Variants in ARHGAP15 observed in about 807,000 individuals in gnomAD.
ARHGAP15 encodes rho GTPase-activating protein 15.
A neutral mutation model predicts 63.7 loss-of-function variants in ARHGAP15; 51 were observed. The observed-to-expected ratio is 0.80, with a 90% CI of 0.64 to 1.01. The LOEUF is 1.01. Among genes scored for constraint, ARHGAP15 ranks in the 50% least tolerant of loss-of-function variants. The pLI is 0.00. For missense variants in ARHGAP15, 560 were observed against 564.6 expected, an observed-to-expected ratio of 0.99 and a Z score of 0.08; for synonymous variants, 191 against 193.8, an observed-to-expected ratio of 0.99 and a Z score of 0.12.
At chr2:143,132,180 A>T (rs354714) in intron 1 of ARHGAP15, among the ~76,000 whole-genome samples, 78,145 of 152,090 alleles carry the variant, frequency 0.51, 21,660 homozygotes, top group Non-Finnish European at 0.62. Flanking sequence ...ACATAATTAG[A>T]CTTTAAAATG....
intron 2 of ARHGAP15, among the ~76,000 whole-genome samples, chr2:143,192,644 G>C (rs1691726824): frequency 6.6e-6 from 1 of 152,210 alleles, no homozygotes; most frequent in African/African-American, 2.4e-5. Flanking sequence ...AGATTTGAAA[G>C]AGAGATGCTA....
At chr2:143,354,726 C>A (rs1351712336) in intron 6 of ARHGAP15, among the ~76,000 whole-genome samples, 1 of 152,004 alleles carries the variant, frequency 6.6e-6, no homozygotes, top group Admixed American at 6.6e-5. Context: ...TAATCACAGT[C>A]GCGCCTGGAA....
chr2:143,469,910 T>C (rs1315147276), intron 8 of ARHGAP15, among the ~76,000 whole-genome samples: 2 of 152,212 alleles, frequency 1.3e-5, no homozygotes, highest in Admixed American at 6.5e-5. Flanking sequence ...AGCCACATGC[T>C]GGACTACCCT....
chr2:143,496,946 C>T (rs1692841682), intron 9 of ARHGAP15, among the ~76,000 whole-genome samples: 1 of 152,128 alleles, frequency 6.6e-6, no homozygotes, highest in South Asian at 2.1e-4. Flanking sequence ...TAAAAGATTG[C>T]CCAGAATTCT....
At chr2:143,755,185 TAC>T (rs1385472594) in intron 13 of ARHGAP15, among the ~76,000 whole-genome samples, 6 of 151,790 alleles carry the variant, frequency 4.0e-5, no homozygotes, top group African/African-American at 1.5e-4. Context: ...CCTGCCTGAA[TAC>T]TTCTCTTGAT....
chr2:143,246,425 C>CA (rs936553127), intron 5 of ARHGAP15, among the ~76,000 whole-genome samples: 1 of 151,570 alleles, frequency 6.6e-6, no homozygotes, highest in African/African-American at 2.4e-5. Context: ...CAGAACAAAC[C>CA]ATTTCGTGGG....
chr2:143,346,773 T>A (rs1425547390), intron 6 of ARHGAP15, among the ~76,000 whole-genome samples: 1 of 152,142 alleles, frequency 6.6e-6, no homozygotes, highest in Non-Finnish European at 1.5e-5. Context: ...ATTCATTTTT[T>A]TGATATAACC....
intron 6 of ARHGAP15, among the ~76,000 whole-genome samples, chr2:143,320,410 C>CCG (rs1553463623): frequency 5.8e-4 from 11 of 19,038 alleles, no homozygotes; most frequent in South Asian, 6.6e-3. Context: ...ACTTCCCCAC[C>CCG]CCCCCCCCCC....
rs149892882 is a variant in ARHGAP15 at position 143,272,647 on chromosome 2, G to A, written c.474+22047G>A. Among the ~76,000 whole-genome samples, 97 of 151,836 alleles carry A rather than the reference G, an allele frequency of 6.4e-4. 2 individuals are homozygous for A. The East Asian group carries it at 0.016, about 24-fold the overall frequency. ...CAGCCTGGCAACAGAATGAGACTGC[G>A]TCGCAAAAAAAATAAAAAAATTCTA... On this transcript the variant is annotated intron_variant, in intron 6 of 13. Coordinates refer to ENST00000295095, the MANE Select transcript of ARHGAP15 (RefSeq NM_018460.4).
At chr2:143,722,920 G>T (rs1449471576) in intron 13 of ARHGAP15, among the ~76,000 whole-genome samples, 1 of 152,200 alleles carries the variant, frequency 6.6e-6, no homozygotes, top group Non-Finnish European at 1.5e-5. Context: ...AACCAAGGCA[G>T]GTTACTGAGC....
At chr2:143,730,745 G>C (rs1430785167) in intron 13 of ARHGAP15, among the ~76,000 whole-genome samples, 1 of 151,948 alleles carries the variant, frequency 6.6e-6, no homozygotes, top group African/African-American at 2.4e-5. Context: ...CTTTAAAAAT[G>C]TAACTGTTGA....
chr2:143,141,375 A>G (rs888931683), intron 1 of ARHGAP15, among the ~76,000 whole-genome samples: 2 of 152,172 alleles, frequency 1.3e-5, no homozygotes, highest in South Asian at 2.1e-4. Flanking sequence ...CCAAGTGTCT[A>G]TAATGTCCTA....
At chr2:143,231,886 C>T (rs957368066) in intron 5 of ARHGAP15, among the ~76,000 whole-genome samples, 1 of 152,162 alleles carries the variant, frequency 6.6e-6, no homozygotes, top group Non-Finnish European at 1.5e-5. Flanking sequence ...AGCAGACGTT[C>T]GTGTCTTTTC....
chr2:143,495,990 TC>T (rs938424407), intron 9 of ARHGAP15, among the ~76,000 whole-genome samples: 4 of 152,354 alleles, frequency 2.6e-5, no homozygotes, highest in African/African-American at 9.6e-5. Context: ...TTGTAAATCT[TC>T]TTTTTTAAAA....
chr2:143,189,178 C>A (rs897452263), intron 2 of ARHGAP15, among the ~76,000 whole-genome samples: 7 of 152,146 alleles, frequency 4.6e-5, no homozygotes, highest in Admixed American at 4.6e-4. Flanking sequence ...TTAGAAGAGT[C>A]CAGTACGATT....
At chr2:143,596,518 G>T (rs999214010) in intron 11 of ARHGAP15, among the ~76,000 whole-genome samples, 1 of 152,074 alleles carries the variant, frequency 6.6e-6, no homozygotes, top group Admixed American at 6.6e-5. Context: ...CACCCTATAT[G>T]ATGATCACTT....
rs1012709819 is a variant in ARHGAP15, at chr2:143,235,237, G to C, written c.384+6569G>C. ...GTGAGATGAAATAAGAAACATAGTA[G>C]AGTTGTTTTTTTTTTTTTTTCCACT... On this transcript the variant is annotated intron_variant, in intron 5 of 13. Transcript: ENST00000295095. 2.1e-5 allele frequency among the ~76,000 whole-genome samples: 3 copies of C among 145,254 alleles called. No individual in the cohort carries two copies. The Admixed American group carries it at 2.1e-4, about 10-fold the overall frequency.
chr2:143,393,602 G>A (rs998897415), intron 6 of ARHGAP15, among the ~76,000 whole-genome samples: 2 of 151,786 alleles, frequency 1.3e-5, no homozygotes, highest in African/African-American at 4.8e-5. Context: ...CTGGTGCTGC[G>A]CACCTGTATC....
At chr2:143,283,567 G>A (rs1248206910) in intron 6 of ARHGAP15, among the ~76,000 whole-genome samples, 1 of 152,134 alleles carries the variant, frequency 6.6e-6, no homozygotes, top group Non-Finnish European at 1.5e-5. Flanking sequence ...TGCAAATCAG[G>A]ACTTAGGCAA....
Sources: gnomAD v4.1 joint callset for allele counts (sites outside exome capture counted in the v4.1 genomes callset) on GRCh38, gnomAD v4.1.1 for gene constraint, MANE v1.5 for transcripts, NCBI Gene and HGNC (gene_info 2026-07-23, HGNC 2026-07-21) for gene names.